Variants in SYCP1 observed in about 807,000 individuals in gnomAD.
The protein encoded by SYCP1 is cancer/testis antigen 8.
Under a neutral mutation model 153.1 loss-of-function variants are expected in SYCP1, and 64 were observed. The observed-to-expected ratio is 0.42, with a 90% CI of 0.34 to 0.51. The LOEUF is 0.51. SYCP1 is among the 20% of genes least tolerant of loss of function. SYCP1 has a pLI of 0.06. For synonymous variants in SYCP1, 384 were observed against 341.8 expected, an observed-to-expected ratio of 1.12 and a Z score of -1.36; for missense variants, 997 against 1,049.0, an observed-to-expected ratio of 0.95 and a Z score of 0.68.
chr1:114,930,913 C>T (rs1669588834), intron 23 of SYCP1, among the ~76,000 whole-genome samples: 1 of 151,264 alleles, frequency 6.6e-6, no homozygotes, highest in Non-Finnish European at 1.5e-5. Context: ...TGATAAAAAC[C>T]ATATTACATC....
chr1:114,911,608 A>T, intron 18 of SYCP1, 26 bp downstream of exon 18: 2 of 1,312,740 alleles, frequency 1.5e-6, no homozygotes, highest in Non-Finnish European at 2.0e-6. Context: ...ATCTAAAAAT[A>T]GTTTATGTAC....
chr1:114,890,419 A>C (rs1160090642), intron 15 of SYCP1, among the ~76,000 whole-genome samples: 2 of 151,846 alleles, frequency 1.3e-5, no homozygotes, highest in Admixed American at 6.6e-5. Context: ...ATTTATGTAA[A>C]TATAAATATG....
chr1:114,872,278 T>C (rs1196846398), intron 8 of SYCP1, among the ~76,000 whole-genome samples: 2 of 152,214 alleles, frequency 1.3e-5, no homozygotes, highest in African/African-American at 2.4e-5. Flanking sequence ...TCAAAGAAAG[T>C]ATTTATTTCT....
At chr1:114,897,050 T>C (rs1306250390) in intron 16 of SYCP1, among the ~76,000 whole-genome samples, 1 of 152,186 alleles carries the variant, frequency 6.6e-6, no homozygotes, top group Non-Finnish European at 1.5e-5. Context: ...GGCCCCAGCC[T>C]GTCCTCCCAG....
chr1:114,899,518 TC>T (rs1667278571), intron 16 of SYCP1, among the ~76,000 whole-genome samples: 2 of 152,186 alleles, frequency 1.3e-5, no homozygotes, highest in South Asian at 4.1e-4. Context: ...AGAGCACCTG[TC>T]AAAGTTCTAT....
chr1:114,976,292 T>C (rs1557846274), intron 27 of SYCP1, among the ~76,000 whole-genome samples: 1 of 151,840 alleles, frequency 6.6e-6, no homozygotes, highest in African/African-American at 2.4e-5. Context: ...TTCTCTACTC[T>C]GGTGATCAAG....
At chr1:114,912,250 T>G (rs2101676425) in intron 18 of SYCP1, among the ~76,000 whole-genome samples, 1 of 152,176 alleles carries the variant, frequency 6.6e-6, no homozygotes, top group African/African-American at 2.4e-5. Context: ...CTAATGTCCC[T>G]TTTAATGAAT....
intron 27 of SYCP1, among the ~76,000 whole-genome samples, chr1:114,961,399 C>T (rs1470662300): frequency 6.6e-6 from 1 of 151,932 alleles, no homozygotes; most frequent in Non-Finnish European, 1.5e-5. Context: ...TTGGTTTGTT[C>T]TTGTTCCTCT....
chr1:114,865,639 T>C (rs1664692442), intron 8 of SYCP1, among the ~76,000 whole-genome samples: 1 of 152,126 alleles, frequency 6.6e-6, no homozygotes, highest in African/African-American at 2.4e-5. Context: ...CCTCTCCGAT[T>C]ATCAACATAA....
At chr1:114,993,354 C>T (rs1373080692) in intron 30 of SYCP1, among the ~76,000 whole-genome samples, 1 of 151,470 alleles carries the variant, frequency 6.6e-6, no homozygotes, top group Non-Finnish European at 1.5e-5. Context: ...TTAAATGTGG[C>T]TTTAATGAGC....
At chr1:114,907,126 ATAT>A (rs1206705016) in intron 16 of SYCP1, among the ~76,000 whole-genome samples, 5 of 152,168 alleles carry the variant, frequency 3.3e-5, no homozygotes, top group African/African-American at 1.2e-4. Context: ...CTATTTTAAC[ATAT>A]TATTATAGCC....
chr1:114,864,390 G>A (rs544700484), intron 8 of SYCP1, among the ~76,000 whole-genome samples: 2 of 152,112 alleles, frequency 1.3e-5, no homozygotes, highest in East Asian at 3.9e-4. Context: ...AATCTTTTCA[G>A]GTCACAATAA....
Position 114,878,144 on chromosome 1 carries a change from T to C in SYCP1, c.852T>C (p.Asp284=). ...QITEKENKMK[D]LTFLLEESRD... ...CTGAGAAAGAAAATAAAATGAAAGA[T>C]TTAACATTTCTGCTAGAGGAATCCA... Residue 284 remains aspartate, a synonymous_variant, in exon 12 of 32, where the codon GAT becomes GAC. Coordinates refer to ENST00000369522, the MANE Select transcript of SYCP1 (RefSeq NM_003176.4). 1 of 1,589,214 alleles carries C rather than the reference T, an allele frequency of 6.3e-7. No individual in the cohort carries two copies. The highest frequency in any genetic ancestry group is 8.6e-7 in the Non-Finnish European group (1 of 1,161,564).
At chr1:114,949,371 T>C (rs1304307463) in intron 27 of SYCP1, among the ~76,000 whole-genome samples, 2 of 152,222 alleles carry the variant, frequency 1.3e-5, no homozygotes, top group Admixed American at 6.5e-5. Context: ...AGAGCCTCAC[T>C]AACCTTGAAA....
intron 19 of SYCP1, among the ~76,000 whole-genome samples, 192 bp from the exon 20 acceptor site, chr1:114,913,783 G>C (rs984850724): frequency 8.6e-5 from 13 of 152,012 alleles, no homozygotes; most frequent in African/African-American, 3.1e-4. Context: ...CTGTTATATA[G>C]AGATTGTTGG....
At chr1:114,981,600 AC>A in intron 29 of SYCP1, 88 bp downstream of exon 29, 2 of 1,123,698 alleles carry the variant, frequency 1.8e-6, no homozygotes, top group Non-Finnish European at 2.5e-6. Context: ...CATCACGCAC[AC>A]ATATATAACT....
chr1:114,857,228 G>T lies in SYCP1; in HGVS notation c.194-4G>T. 1 of 1,588,612 alleles carries T rather than the reference G, an allele frequency of 6.3e-7. No individual in the cohort carries two copies. Among genetic ancestry groups the T allele is most frequent in the Non-Finnish European group, 8.6e-7 (1 of 1,167,034 alleles). ...TTTAATACCTGTTGTCTTTTATCTT[G>T]CAGATCCTGCTTTACAAAAAGTTAA... On this transcript the variant is annotated splice_polypyrimidine_tract_variant and splice_region_variant and intron_variant, in intron 3 of 31. Transcript: ENST00000369522.
chr1:114,926,860 A>G (rs1230617288), intron 23 of SYCP1, among the ~76,000 whole-genome samples: 1 of 152,086 alleles, frequency 6.6e-6, no homozygotes, highest in East Asian at 1.9e-4. Flanking sequence ...TCCATATTAA[A>G]AAGTGAAATT....
chr1:114,886,351 A>G (rs1666302771), intron 14 of SYCP1, 42 bp downstream of exon 14: 1 of 1,423,206 alleles, frequency 7.0e-7, no homozygotes, highest in African/African-American at 1.5e-5. Context: ...TAAGTGAATA[A>G]AAACAATTTA....
Sources: allele counts gnomAD v4.1 joint callset (sites outside exome capture counted in the v4.1 genomes callset), GRCh38; gene constraint gnomAD v4.1.1; transcripts MANE v1.5; gene names NCBI Gene and HGNC (gene_info 2026-07-23, HGNC 2026-07-21).